Variants in DNAJC27 observed in about 807,000 individuals in gnomAD.
The protein encoded by DNAJC27 is DnaJ heat shock protein family (Hsp40) member C27.
DNAJC27 carries 25 observed loss-of-function variants against 31.4 expected under a neutral mutation model. That is an observed-to-expected ratio of 0.80 (90% CI 0.58 to 1.11). The LOEUF (loss-of-function observed/expected upper bound fraction) is 1.11, where lower values mean the gene tolerates loss of function less well. Ranked by LOEUF, DNAJC27 falls within the 50% of genes most tolerant of loss-of-function variation. The pLI is 0.00. For synonymous variants in DNAJC27, 106 were observed against 112.7 expected (o/e 0.94, Z 0.37); for missense variants, 356 against 347.3 (o/e 1.02, Z -0.20).
At chr2:24,963,524 T>C (rs768550478) in intron 2 of DNAJC27, 50 bp from the exon 3 acceptor site, 2 of 1,447,110 alleles carry the variant, frequency 1.4e-6, no homozygotes, top group Admixed American at 3.5e-5. Context: ...GGTTTCTCCA[T>C]TTACCTTAAT....
intron 3 of DNAJC27, among the ~76,000 whole-genome samples, chr2:24,960,995 G>A (rs10203353): frequency 0.16 from 23,733 of 152,194 alleles, 2,423 homozygotes; most frequent in African/African-American, 0.29. Context: ...GGAATAGATA[G>A]ATCTAATGGA....
In DNAJC27 at chr2:24,957,062, C is replaced by T. The variant is rs749854639; in HGVS notation, c.509G>A (p.Gly170Asp). The part of the protein sequence containing the change: ...YFETSAQTGE[G>D]INEMFQTFYI... ...GCTTACCTGGAACATCTCATTAATG[C>T]CTTCTCCAGTTTGTGCTGAAGTTTC... Residue 170 changes from glycine (G) to aspartate (D), a missense_variant, in exon 5 of 7, where the codon GGC becomes GAC. Coordinates refer to ENST00000264711, the MANE Select transcript of DNAJC27 (RefSeq NM_016544.3). 4.4e-6 allele frequency: 7 copies of T among 1,608,270 alleles called. No homozygotes were observed. The highest frequency in any genetic ancestry group is 2.7e-5 in the African/African-American group (2 of 74,566).
At chr2:24,950,421 A>G (rs1489609938) in intron 6 of DNAJC27, among the ~76,000 whole-genome samples, 13 of 152,216 alleles carry the variant, frequency 8.5e-5, no homozygotes, top group Admixed American at 8.5e-4. Flanking sequence ...TATGTGTAGT[A>G]ACGGTAGAAT....
chr2:24,971,468 C>T (rs902916767), intron 1 of DNAJC27: 4 of 180,594 alleles, frequency 2.2e-5, no homozygotes, highest in African/African-American at 7.0e-5. Flanking sequence ...AAACTTTCAT[C>T]CTCCATCTCC....
At chr2:24,958,051 G>A in intron 3 of DNAJC27, 77 bp from the exon 4 acceptor site, 1 of 1,358,206 alleles carries the variant, frequency 7.4e-7, no homozygotes, top group Non-Finnish European at 1.0e-6. Context: ...CATTAACCTG[G>A]CAAAGTGTGT....
intron 3 of DNAJC27, 53 bp downstream of exon 3, chr2:24,963,352 C>A: frequency 6.9e-7 from 1 of 1,449,176 alleles, no homozygotes; most frequent in South Asian, 1.2e-5. Context: ...CTGGATCTCT[C>A]CCCAAACCAC....
rs565573527 is a variant in DNAJC27, at chr2:24,946,072, A to C, written c.*1544T>G. 6.6e-6 allele frequency: 1 copy of C among 152,380 alleles called. No homozygotes were observed. The highest frequency in any genetic ancestry group is 2.4e-5 in the African/African-American group (1 of 41,588). The allele number at this position is 152,380 out of a possible 1,614,324, so 9.4% of individuals were successfully genotyped here. On this transcript the variant is annotated 3_prime_UTR_variant, in exon 7 of 7. Transcript: ENST00000264711. ...AGCTAAAAGTATGAGTGATGTAACAAGAATGACGACGTAATGAGTCAAGTG... is the reference window on the plus strand; with the variant it reads ...AGCTAAAAGTATGAGTGATGTAACACGAATGACGACGTAATGAGTCAAGTG...
intron 5 of DNAJC27, among the ~76,000 whole-genome samples, chr2:24,953,062 ATT>A (rs933437897): frequency 6.7e-6 from 1 of 150,180 alleles, no homozygotes; most frequent in African/African-American, 2.4e-5. Flanking sequence ...CACTTTTCTG[ATT>A]TTTTTTTAGG....
intron 1 of DNAJC27, among the ~76,000 whole-genome samples, chr2:24,970,998 G>A (rs1402925989): frequency 6.6e-6 from 1 of 152,210 alleles, no homozygotes; most frequent in Non-Finnish European, 1.5e-5. Context: ...GCACCGCAGT[G>A]GGAATGTGAA....
chr2:24,956,922 T>A, intron 5 of DNAJC27, 121 bp downstream of exon 5: 1 of 1,211,266 alleles, frequency 8.3e-7, no homozygotes, highest in Non-Finnish European at 1.1e-6. Context: ...CTAGATTCTT[T>A]GAAAAGAAAG....
chr2:24,971,862 G>A lies in DNAJC27; in HGVS notation c.43C>T (p.Leu15Phe), dbSNP rs1342044702. 1.2e-6 allele frequency: 2 copies of A among 1,609,534 alleles called. No homozygotes were observed. The highest frequency in any genetic ancestry group is 1.7e-6 in the Non-Finnish European group (2 of 1,178,382). ...MPKRKEPGRS[L>F]RIKVISMGNA... ...CCCATGGAGATGACTTTGATGCGGA[G>A]AGACCTGCCGGGCTCCTTCCGCTTC... The change falls in exon 1 of 7, where the codon CTC becomes TTC. Residue 15 changes from leucine (L) to phenylalanine (F), a missense_variant. Physicochemically the swap from Leu to Phe is conservative, Grantham distance 22. Transcript: ENST00000264711.
At chr2:24,961,808 A>G (rs752685486) in intron 3 of DNAJC27, among the ~76,000 whole-genome samples, 4 of 152,234 alleles carry the variant, frequency 2.6e-5, no homozygotes, top group Non-Finnish European at 5.9e-5. Context: ...ATGAGCAAAG[A>G]AAGTGGTTTC....
At chr2:24,957,458 T>C (rs1431938272) in intron 4 of DNAJC27, among the ~76,000 whole-genome samples, 1 of 152,204 alleles carries the variant, frequency 6.6e-6, no homozygotes, top group African/African-American at 2.4e-5. Context: ...ACATCTGCCA[T>C]ACCCTTGGGG....
chr2:24,967,244 A>G lies in DNAJC27; in HGVS notation c.137T>C (p.Leu46Pro). ...TCCATAGTCAATTCCAATTGTTGCC[A>G]GGTATTTAGACACGAATCTTTTCTC... ...YCEKRFVSKY[L>P]ATIGIDYGVT... Residue 46 changes from leucine to proline, a missense_variant, in exon 2 of 7, where the codon CTG becomes CCG. By Grantham distance (98) the Leu-to-Pro change is moderately conservative. Coordinates refer to ENST00000264711, the MANE Select transcript of DNAJC27 (RefSeq NM_016544.3). 6.2e-7 allele frequency: 1 copy of G among 1,613,954 alleles called. No homozygotes were observed. The highest frequency in any genetic ancestry group is 8.5e-7 in the Non-Finnish European group (1 of 1,179,830).
chr2:24,961,666 A>G (rs1666044790), intron 3 of DNAJC27, among the ~76,000 whole-genome samples: 1 of 152,108 alleles, frequency 6.6e-6, no homozygotes. Flanking sequence ...GGAGTTCAAG[A>G]CATCAGTGGA....
chr2:24,963,406 T>G lies in DNAJC27; in HGVS notation c.239A>C (p.Glu80Ala). Residue 80 changes from glutamate to alanine, a missense_variant and splice_region_variant, in exon 3 of 7, where the codon GAG (glutamate) becomes GCG (alanine). Glu to Ala is a moderately radical substitution (Grantham distance 107). Coordinates refer to ENST00000264711, the MANE Select transcript of DNAJC27 (RefSeq NM_016544.3). ...GTTTTGTCAAAAAGGCTTTCTTACC[T>G]CATAGAAGAAGGGATGTCCAGCCAT... ...FDMAGHPFFYEVRNEFYKDTQ... is the reference protein window; with the variant it reads ...FDMAGHPFFYAVRNEFYKDTQ... 3 of 1,613,216 alleles carry G rather than the reference T, an allele frequency of 1.9e-6. No individual in the cohort carries two copies. The highest frequency in any genetic ancestry group is 1.7e-6 in the Non-Finnish European group (2 of 1,179,358).
At chr2:24,951,647 C>T in intron 5 of DNAJC27, 93 bp from the exon 6 acceptor site, 1 of 1,130,514 alleles carries the variant, frequency 8.8e-7, no homozygotes, top group Non-Finnish European at 1.2e-6. Context: ...TAATATATTC[C>T]AGCAACTCTT....
intron 5 of DNAJC27, among the ~76,000 whole-genome samples, chr2:24,955,456 A>G (rs547395778): frequency 2.6e-5 from 4 of 152,348 alleles, no homozygotes; most frequent in Admixed American, 2.6e-4. Flanking sequence ...GGAGGCCAAG[A>G]AGGTAAAGAG....
chr2:24,957,932 C>T lies in DNAJC27; in HGVS notation c.283G>A (p.Val95Ile). 1 of 1,614,186 alleles carries T rather than the reference C, an allele frequency of 6.2e-7. No homozygotes were observed. Among genetic ancestry groups the T allele is most frequent in the Non-Finnish European group, 8.5e-7 (1 of 1,180,024 alleles). The change falls in exon 4 of 7, where the codon GTC (valine) becomes ATC (isoleucine). Residue 95 changes from valine (V) to isoleucine (I), a missense_variant. Physicochemically the swap from Val to Ile is conservative, Grantham distance 29. Coordinates refer to ENST00000264711, the MANE Select transcript of DNAJC27 (RefSeq NM_016544.3). ...FYKDTQGVIL[V>I]YDVGQKDSFD... ...GAGTCTTTCTGCCCAACATCATAGA[C>T]CAGTATCACACCCTGTGTGTCCTTG...
Sources: gnomAD v4.1 joint callset for allele counts (sites outside exome capture counted in the v4.1 genomes callset) on GRCh38, gnomAD v4.1.1 for gene constraint, MANE v1.5 for transcripts, NCBI Gene and HGNC (gene_info 2026-07-23, HGNC 2026-07-21) for gene names.